PPP2R5E: variants seen among roughly 807,000 people sequenced by gnomAD.
PPP2R5E encodes protein phosphatase 2 regulatory subunit B'epsilon.
Under a neutral mutation model 65.3 loss-of-function variants are expected in PPP2R5E, and 4 were observed. That is an observed-to-expected ratio of 0.06 (90% CI 0.03 to 0.14). PPP2R5E has a LOEUF of 0.14. PPP2R5E is among the 10% of genes least tolerant of loss of function. The probability of loss-of-function intolerance (pLI) is 1.00; values close to 1 mark genes in which losing one functional copy is unlikely to be tolerated. For missense variants in PPP2R5E, 274 were observed against 556.1 expected (o/e 0.49, Z 5.10); for synonymous variants, 183 against 187.4 (o/e 0.98, Z 0.19).
At chr14:63,522,963 G>A (rs1457313662) in intron 2 of PPP2R5E, among the ~76,000 whole-genome samples, 2 of 144,550 alleles carry the variant, frequency 1.4e-5, no homozygotes, top group Non-Finnish European at 3.0e-5. Context: ...GAGGTGGGGG[G>A]GTCAGCCCCC....
chr14:63,500,325 A>G (rs184107924), intron 2 of PPP2R5E, among the ~76,000 whole-genome samples: 2 of 152,322 alleles, frequency 1.3e-5, no homozygotes, highest in African/African-American at 4.8e-5. Flanking sequence ...TGGGTACATC[A>G]CCTCTCATTC....
chr14:63,467,394 A>G lies in PPP2R5E; in HGVS notation c.158-13509T>C, dbSNP rs189457086. Among the ~76,000 whole-genome samples, 66 of 152,290 alleles carry G rather than the reference A, an allele frequency of 4.3e-4. No individual in the cohort carries two copies. In the East Asian group the frequency reaches 4.8e-3, roughly 11 times the overall value. On this transcript the variant is annotated intron_variant, in intron 2 of 13. Transcript: ENST00000337537. ...GCACAGCCTTTTTCTGAATTTTGAT[A>G]TAATTCAGCATTCTATGTCTAATAC... is the stretch of plus-strand genomic sequence containing the variant.
intron 2 of PPP2R5E, among the ~76,000 whole-genome samples, chr14:63,524,720 T>C (rs1893108049): frequency 1.3e-5 from 2 of 152,190 alleles, no homozygotes. Context: ...ACACGTCTTG[T>C]GCCCAGCTCC....
chr14:63,532,806 A>T (rs1893493014), intron 2 of PPP2R5E, among the ~76,000 whole-genome samples: 1 of 152,216 alleles, frequency 6.6e-6, no homozygotes, highest in African/African-American at 2.4e-5. Flanking sequence ...GGAGTGTAGT[A>T]ACCACTAAAA....
intron 10 of PPP2R5E, among the ~76,000 whole-genome samples, chr14:63,391,584 T>C (rs1040734281): frequency 6.6e-6 from 1 of 152,026 alleles, no homozygotes; most frequent in Admixed American, 6.6e-5. Context: ...CCACCACGCC[T>C]GGCTAATTTT....
chr14:63,479,039 G>C (rs1468531636), intron 2 of PPP2R5E, among the ~76,000 whole-genome samples: 3 of 152,116 alleles, frequency 2.0e-5, no homozygotes, highest in Non-Finnish European at 4.4e-5. Context: ...TGAGGCATGA[G>C]AAATGCTTGA....
chr14:63,536,355 A>T (rs1370371247), intron 2 of PPP2R5E, among the ~76,000 whole-genome samples: 3 of 152,216 alleles, frequency 2.0e-5, no homozygotes, highest in Non-Finnish European at 4.4e-5. Flanking sequence ...TATTATAATG[A>T]CTACTATCAA....
At chr14:63,385,483 C>T (rs1393530072) in intron 11 of PPP2R5E, among the ~76,000 whole-genome samples, 2 of 152,090 alleles carry the variant, frequency 1.3e-5, no homozygotes, top group Non-Finnish European at 2.9e-5. Context: ...CTCACTGGTC[C>T]CCTTTCTTAT....
chr14:63,535,247 A>C (rs564559371), intron 2 of PPP2R5E, among the ~76,000 whole-genome samples: 93 of 152,022 alleles, frequency 6.1e-4, no homozygotes, highest in African/African-American at 2.2e-3. Flanking sequence ...TGGTCTCAAC[A>C]CGTCTCTACT....
Position 63,493,495 on chromosome 14 carries a change from C to CGT in PPP2R5E, c.158-39612_158-39611dup, listed in dbSNP as rs34814989. ...ATTACCGCGCGCGCGTGTGTGTGTG[C>CGT]GTGTGTGTGGTGGGGGGAGGGGGAG... On this transcript the variant is annotated intron_variant, in intron 2 of 13. Coordinates refer to ENST00000337537, the MANE Select transcript of PPP2R5E (RefSeq NM_006246.5). Among the ~76,000 whole-genome samples, 370 of 87,290 alleles carry CGT rather than the reference C, an allele frequency of 4.2e-3. 6 individuals are homozygous for CGT. The highest frequency in any genetic ancestry group is 0.018 in the South Asian group (53 of 2,876). The allele number at this position is 87,290 out of a possible 152,430, so 57.3% of individuals were successfully genotyped here.
At chr14:63,457,166 G>A (rs1192486761) in intron 2 of PPP2R5E, among the ~76,000 whole-genome samples, 2 of 152,106 alleles carry the variant, frequency 1.3e-5, no homozygotes, top group Non-Finnish European at 2.9e-5. Flanking sequence ...CATCTACCTA[G>A]TCCCAGGTGG....
chr14:63,516,777 T>C (rs1055954933), intron 2 of PPP2R5E, among the ~76,000 whole-genome samples: 5 of 152,208 alleles, frequency 3.3e-5, no homozygotes, highest in Non-Finnish European at 7.3e-5. Context: ...ACATCTGTCA[T>C]AGAGCAAAGC....
chr14:63,469,564 A>G (rs1411297428), intron 2 of PPP2R5E, among the ~76,000 whole-genome samples: 1 of 152,086 alleles, frequency 6.6e-6, no homozygotes, highest in South Asian at 2.1e-4. Context: ...CGTGGTGGCG[A>G]GCGCCTGTAG....
chr14:63,422,728 T>TAA (rs1566690431), intron 3 of PPP2R5E, among the ~76,000 whole-genome samples: 1 of 109,222 alleles, frequency 9.2e-6, no homozygotes, highest in African/African-American at 4.5e-5. Context: ...CTCCGTCTAT[T>TAA]TAAAAAAAAA....
chr14:63,455,338 T>C (rs1212500580), intron 2 of PPP2R5E, among the ~76,000 whole-genome samples: 1 of 152,000 alleles, frequency 6.6e-6, no homozygotes, highest in African/African-American at 2.4e-5. Flanking sequence ...TAGATGAGAG[T>C]GGATAGGACA....
At chr14:63,394,317 G>A (rs1389233420) in intron 7 of PPP2R5E, among the ~76,000 whole-genome samples, 1 of 151,972 alleles carries the variant, frequency 6.6e-6, no homozygotes, top group Admixed American at 6.6e-5. Context: ...ACTCTTAACT[G>A]CAAATGATCT....
chr14:63,391,990 A>G lies in PPP2R5E; in HGVS notation c.885T>C (p.Asp295=). The G allele has an allele frequency of 6.2e-7, 1 of 1,610,976 alleles. No homozygotes were observed. Among genetic ancestry groups the G allele is most frequent in the Non-Finnish European group, 8.5e-7 (1 of 1,178,972 alleles). ...AYCIVQFLEK[D]PSLTEPVIRG... The stretch of plus-strand genomic sequence containing the variant: ...GACTTACTGGTTCTGTGAGTGAAGG[A>G]TCTTTCTCCAGAAACTGTACTATAC... Residue 295 remains aspartate, a synonymous_variant, in exon 9 of 14, where the codon GAT becomes GAC. Transcript: ENST00000337537.
intron 2 of PPP2R5E, among the ~76,000 whole-genome samples, chr14:63,489,682 A>G (rs574188216): frequency 1.3e-5 from 2 of 152,262 alleles, no homozygotes; most frequent in South Asian, 4.1e-4. Flanking sequence ...TGCAGGAATT[A>G]CAGGCATGAG....
chr14:63,474,537 G>A (rs1188642237), intron 2 of PPP2R5E, among the ~76,000 whole-genome samples: 1 of 151,958 alleles, frequency 6.6e-6, no homozygotes, highest in Non-Finnish European at 1.5e-5. Flanking sequence ...GCTGGGCGCA[G>A]TGGTGTGCTC....
Sources: gnomAD v4.1 joint callset for allele counts (sites outside exome capture counted in the v4.1 genomes callset) on GRCh38, gnomAD v4.1.1 for gene constraint, MANE v1.5 for transcripts, NCBI Gene and HGNC (gene_info 2026-07-23, HGNC 2026-07-21) for gene names.